EMSY: variants seen among roughly 807,000 people sequenced by gnomAD.
EMSY encodes the protein EMSY transcriptional repressor, BRCA2 interacting.
A neutral mutation model predicts 134.6 loss-of-function variants in EMSY; 26 were observed. The ratio of observed to expected loss-of-function variants is 0.19; its 90% confidence interval spans 0.14 to 0.27. EMSY has a LOEUF of 0.27. Among genes scored for constraint, EMSY ranks in the 10% least tolerant of loss-of-function variants. The pLI is 1.00. For missense variants in EMSY, 1,305 were observed against 1,611.4 expected (o/e 0.81, Z 3.26); for synonymous variants, 579 against 577.8 (o/e 1.00, Z -0.03).
At chr11:76,532,254 A>G (rs1951069004) in intron 14 of EMSY, among the ~76,000 whole-genome samples, 1 of 152,108 alleles carries the variant, frequency 6.6e-6, no homozygotes, top group Admixed American at 6.6e-5. Context: ...TAAAAGTTTC[A>G]CCGAATGAAC....
At chr11:76,520,845 A>G (rs1950615913) in intron 11 of EMSY, among the ~76,000 whole-genome samples, 1 of 152,188 alleles carries the variant, frequency 6.6e-6, no homozygotes. Flanking sequence ...GTGGAAAATA[A>G]TAAAATTGTG....
intron 18 of EMSY, among the ~76,000 whole-genome samples, chr11:76,543,396 TA>T (rs1283111498): frequency 6.6e-6 from 1 of 152,164 alleles, no homozygotes; most frequent in Non-Finnish European, 1.5e-5. Flanking sequence ...AGGATGGGGA[TA>T]GGGTGGATCT....
chr11:76,520,083 A>G (rs1311852694), intron 11 of EMSY, among the ~76,000 whole-genome samples: 1 of 152,126 alleles, frequency 6.6e-6, no homozygotes, highest in Non-Finnish European at 1.5e-5. Flanking sequence ...TACTTCTTCA[A>G]TGTAATGTAT....
At chr11:76,484,661 G>T (rs898657752) in intron 8 of EMSY, among the ~76,000 whole-genome samples, 1 of 152,034 alleles carries the variant, frequency 6.6e-6, no homozygotes, top group Non-Finnish European at 1.5e-5. Context: ...AAGGCCAGGC[G>T]CAGTGGCTCA....
At chr11:76,485,113 A>G (rs1485016314) in intron 8 of EMSY, among the ~76,000 whole-genome samples, 1 of 152,214 alleles carries the variant, frequency 6.6e-6, no homozygotes, top group East Asian at 1.9e-4. Context: ...GAATTCTACC[A>G]GAGGTACAAA....
intron 11 of EMSY, among the ~76,000 whole-genome samples, chr11:76,519,940 A>C (rs181311611): frequency 9.7e-4 from 148 of 152,282 alleles, no homozygotes; most frequent in African/African-American, 3.5e-3. Flanking sequence ...GTTGTGATAC[A>C]GAGGAATATA....
chr11:76,491,829 T>C (rs1949437101), intron 8 of EMSY, among the ~76,000 whole-genome samples: 1 of 152,246 alleles, frequency 6.6e-6, no homozygotes, highest in African/African-American at 2.4e-5. Context: ...CACCTCATGC[T>C]AGACTACTCT....
At chr11:76,512,624 CT>C (rs796500363) in intron 9 of EMSY, among the ~76,000 whole-genome samples, 257 of 143,340 alleles carry the variant, frequency 1.8e-3, no homozygotes, top group African/African-American at 4.5e-3. Context: ...GCAAGCTACA[CT>C]TTTTTTTTTT....
chr11:76,501,533 G>A, intron 9 of EMSY, among the ~76,000 whole-genome samples: 1 of 152,106 alleles, frequency 6.6e-6, no homozygotes. Context: ...GAGGTTAAAA[G>A]TAAAGTCACT....
intron 7 of EMSY, among the ~76,000 whole-genome samples, chr11:76,464,931 G>A (rs574911735): frequency 2.0e-5 from 3 of 152,144 alleles, no homozygotes; most frequent in East Asian, 1.9e-4. Flanking sequence ...GTTGGCTTCC[G>A]GCTTCCATTA....
rs552526100 is a variant in EMSY at position 76,463,918 on chromosome 11, C to T, written c.669C>T (p.Ala223=). The T allele has an allele frequency of 1.3e-5, 21 of 1,614,124 alleles. No individual in the cohort carries two copies. The Middle Eastern group carries it at 1.2e-3, about 89-fold the overall frequency. Residue 223 remains alanine (A), a synonymous_variant, in exon 7 of 21, where the codon GCC becomes GCT. Transcript: ENST00000334736. Reference sequence around the variant, plus strand: ...TTGTTCTAAAGGAAGTTCCAAAGGCCGTTGTTCCAGTCTCAAAGACGATCA... The same window carrying T: ...TTGTTCTAAAGGAAGTTCCAAAGGCTGTTGTTCCAGTCTCAAAGACGATCA...
At chr11:76,445,388 G>T (rs552937182) in intron 1 of EMSY, among the ~76,000 whole-genome samples, 107 of 152,246 alleles carry the variant, frequency 7.0e-4, no homozygotes, top group African/African-American at 2.5e-3. Flanking sequence ...ACTCTCTCTC[G>T]GTTGTCCTCT....
At chr11:76,451,730 T>C (rs1365435656) in intron 2 of EMSY, 128 bp from the exon 3 acceptor site, 7 of 463,514 alleles carry the variant, frequency 1.5e-5, no homozygotes, top group Admixed American at 4.3e-5. Context: ...ATAAAATTTT[T>C]GAAAGGAATT....
At chr11:76,532,847 A>G (rs1590995920) in intron 14 of EMSY, among the ~76,000 whole-genome samples, 1 of 152,272 alleles carries the variant, frequency 6.6e-6, no homozygotes, top group Middle Eastern at 3.4e-3. Flanking sequence ...AAGTTTCATG[A>G]TCTCAGTACG....
chr11:76,474,772 T>C (rs978567200), intron 8 of EMSY, among the ~76,000 whole-genome samples: 4 of 152,212 alleles, frequency 2.6e-5, no homozygotes, highest in African/African-American at 7.2e-5. Flanking sequence ...TACAGAAATA[T>C]ATATTTTTTG....
intron 1 of EMSY, among the ~76,000 whole-genome samples, chr11:76,446,257 ATAACTAC>A (rs1947386468): frequency 6.6e-6 from 1 of 151,572 alleles, no homozygotes; most frequent in Non-Finnish European, 1.5e-5. Context: ...TGGCTGTTTA[ATAACTAC>A]AGGATCAAAA....
At chr11:76,484,726 AG>A (rs1182696253) in intron 8 of EMSY, among the ~76,000 whole-genome samples, 1 of 152,138 alleles carries the variant, frequency 6.6e-6, no homozygotes, top group East Asian at 1.9e-4. Context: ...TGAGGTCGGG[AG>A]TTCGAGACCA....
intron 9 of EMSY, among the ~76,000 whole-genome samples, chr11:76,504,201 G>A (rs970259113): frequency 8.6e-5 from 13 of 151,294 alleles, no homozygotes; most frequent in African/African-American, 2.7e-4. Context: ...ATTCCCACCA[G>A]CAAATATAAA....
At chr11:76,461,256 A>G (rs1298478412) in intron 6 of EMSY, among the ~76,000 whole-genome samples, 1 of 152,164 alleles carries the variant, frequency 6.6e-6, no homozygotes, top group African/African-American at 2.4e-5. Flanking sequence ...TTTTCTCAAT[A>G]TGGTTATAAA....
Sources: allele counts gnomAD v4.1 joint callset (sites outside exome capture counted in the v4.1 genomes callset), GRCh38; gene constraint gnomAD v4.1.1; transcripts MANE v1.5; gene names NCBI Gene and HGNC (gene_info 2026-07-23, HGNC 2026-07-21).